The following CLYBL variants were observed in gnomAD, a reference collection of about 807,000 sequenced individuals.
CLYBL encodes the protein citramalyl-CoA lyase, mitochondrial.
In CLYBL, 31 loss-of-function variants were observed where a neutral mutation model predicts 38.9. The observed-to-expected ratio is 0.80, with a 90% CI of 0.60 to 1.08. CLYBL has a LOEUF of 1.08. Ranked by LOEUF, CLYBL falls within the 50% of genes least tolerant of loss-of-function variation. CLYBL has a pLI of 0.00. For missense variants in CLYBL, 434 were observed against 411.6 expected (o/e 1.05, Z -0.47); for synonymous variants, 171 against 158.6 (o/e 1.08, Z -0.59).
chr13:99,856,974 T>G (rs1303834633), intron 2 of CLYBL, among the ~76,000 whole-genome samples: 1 of 151,860 alleles, frequency 6.6e-6, no homozygotes, highest in East Asian at 2.0e-4. Flanking sequence ...TCTAGACAGC[T>G]TTAGAGCCAA....
At position 99,873,276 on chromosome 13, in the gene CLYBL, G is replaced by T. The variant is rs533420623; in HGVS notation, c.927+2214G>T. ...CTGCAGGTAGGTGACTCTGGATCTT[G>T]AGGGGATCTTGGGGTTTAAATAATG... On this transcript the variant is annotated intron_variant, in intron 7 of 8. Coordinates refer to ENST00000339105, the MANE Select transcript of CLYBL (RefSeq NM_206808.5). Among the ~76,000 whole-genome samples the T allele has an allele frequency of 5.3e-4, 81 of 152,332 alleles. No homozygotes were observed. The South Asian group carries it at 0.016, about 30-fold the overall frequency.
chr13:99,805,370 T>C (rs1336743538), intron 2 of CLYBL, among the ~76,000 whole-genome samples: 1 of 152,096 alleles, frequency 6.6e-6, no homozygotes, highest in African/African-American at 2.4e-5. Context: ...AAAACCTATA[T>C]GTTAACCAAG....
At chr13:99,609,693 C>T (rs539606931) in intron 1 of CLYBL, among the ~76,000 whole-genome samples, 3 of 151,396 alleles carry the variant, frequency 2.0e-5, no homozygotes, top group South Asian at 4.2e-4. Context: ...TGCACCACTG[C>T]ACCTGGCTAA....
chr13:99,683,235 CT>C (rs145577415), intron 1 of CLYBL, among the ~76,000 whole-genome samples: 1,864 of 151,162 alleles, frequency 0.012, 39 homozygotes, highest in African/African-American at 0.043. Flanking sequence ...GTGCCCCCCC[CT>C]ACACCAGGCT....
At chr13:99,625,433 G>T (rs1435113216) in intron 1 of CLYBL, among the ~76,000 whole-genome samples, 1 of 152,204 alleles carries the variant, frequency 6.6e-6, no homozygotes, top group Non-Finnish European at 1.5e-5. Context: ...GTGGAAACGG[G>T]ACTGTTGACA....
chr13:99,770,966 C>G (rs1036648852), intron 1 of CLYBL, among the ~76,000 whole-genome samples: 143 of 151,036 alleles, frequency 9.5e-4, no homozygotes, highest in African/African-American at 3.4e-3. Context: ...ATGATCCACC[C>G]GCCTTGGCCT....
At chr13:99,719,169 T>TA (rs1555293690) in intron 1 of CLYBL, among the ~76,000 whole-genome samples, 11 of 148,134 alleles carry the variant, frequency 7.4e-5, no homozygotes, top group Admixed American at 1.3e-4. Context: ...TTTTTTTTTT[T>TA]AAGACAGGGT....
chr13:99,776,938 C>T (rs561494119), intron 2 of CLYBL, among the ~76,000 whole-genome samples: 2 of 151,402 alleles, frequency 1.3e-5, no homozygotes, highest in East Asian at 2.0e-4. Flanking sequence ...TGCAGTGGTG[C>T]GATCTCGGCT....
intron 1 of CLYBL, among the ~76,000 whole-genome samples, chr13:99,628,096 T>C (rs1396580191): frequency 1.3e-5 from 2 of 152,188 alleles, no homozygotes; most frequent in East Asian, 3.8e-4. Context: ...CACGATCACT[T>C]CTCCAAGTAC....
chr13:99,705,242 T>C (rs188732674), intron 1 of CLYBL, among the ~76,000 whole-genome samples: 10 of 150,010 alleles, frequency 6.7e-5, no homozygotes, highest in Admixed American at 2.0e-4. Flanking sequence ...GGTGTACACA[T>C]GCACACACAC....
chr13:99,830,277 A>G lies in CLYBL; in HGVS notation c.250-28584A>G, dbSNP rs543052435. Among the ~76,000 whole-genome samples, 73 of 152,358 alleles carry G rather than the reference A, an allele frequency of 4.8e-4. 1 individual carries two copies. In the Middle Eastern group the frequency reaches 0.01, roughly 21 times the overall value. Reference sequence around the variant, plus strand: ...CTAAGTGGAAGAGCCAGCATTCTTGATGAAAAGAATTACTCTATGCACACA... The same window carrying G: ...CTAAGTGGAAGAGCCAGCATTCTTGGTGAAAAGAATTACTCTATGCACACA... On this transcript the variant is annotated intron_variant, in intron 2 of 8. Transcript: ENST00000339105.
intron 6 of CLYBL, 75 bp from the exon 7 acceptor site, chr13:99,870,863 C>A: frequency 6.7e-7 from 1 of 1,495,774 alleles, no homozygotes; most frequent in South Asian, 1.3e-5. Flanking sequence ...CTTCAGGAAC[C>A]TCACGCGATA....
intron 1 of CLYBL, among the ~76,000 whole-genome samples, chr13:99,730,903 T>C (rs1298314341): frequency 6.6e-6 from 1 of 151,472 alleles, no homozygotes; most frequent in African/African-American, 2.4e-5. Context: ...GACAACATGG[T>C]GAAACCCCTT....
intron 1 of CLYBL, among the ~76,000 whole-genome samples, chr13:99,609,541 C>A (rs1465542603): frequency 6.6e-6 from 1 of 151,976 alleles, no homozygotes; most frequent in Non-Finnish European, 1.5e-5. Flanking sequence ...TAATCCAGAA[C>A]TTCTTTCTTT....
chr13:99,716,422 C>G (rs533171837), intron 1 of CLYBL, among the ~76,000 whole-genome samples: 2 of 143,708 alleles, frequency 1.4e-5, no homozygotes, highest in East Asian at 4.1e-4. Context: ...TAGAGTCTGT[C>G]GCCCAGACTG....
intron 2 of CLYBL, among the ~76,000 whole-genome samples, chr13:99,793,578 AAAAT>A (rs2049962124): frequency 6.6e-6 from 1 of 152,206 alleles, no homozygotes; most frequent in African/African-American, 2.4e-5. Flanking sequence ...TAATTGTTAA[AAAAT>A]AAATAAAAAA....
intron 1 of CLYBL, among the ~76,000 whole-genome samples, chr13:99,715,416 CTTTT>C (rs55690124): frequency 7.1e-6 from 1 of 141,286 alleles, no homozygotes; most frequent in Admixed American, 7.2e-5. Context: ...TTTTTCTTTT[CTTTT>C]TTTTTTTTTT....
chr13:99,842,092 A>G (rs1224455340), intron 2 of CLYBL, among the ~76,000 whole-genome samples: 2 of 152,298 alleles, frequency 1.3e-5, no homozygotes, highest in South Asian at 4.1e-4. Context: ...TGCTGGGATT[A>G]CAGGCGTGAG....
At chr13:99,711,484 G>A (rs1435822700) in intron 1 of CLYBL, among the ~76,000 whole-genome samples, 1 of 138,176 alleles carries the variant, frequency 7.2e-6, no homozygotes, top group East Asian at 2.3e-4. Context: ...ATCTCGGCAC[G>A]CAACCTCCAC....
Sources: allele counts gnomAD v4.1 joint callset (sites outside exome capture counted in the v4.1 genomes callset), GRCh38; gene constraint gnomAD v4.1.1; transcripts MANE v1.5; gene names NCBI Gene and HGNC (gene_info 2026-07-23, HGNC 2026-07-21).